The following BTBD9 variants were observed in gnomAD, a reference collection of about 807,000 sequenced individuals.
BTBD9 encodes BTB domain containing 9.
A neutral mutation model predicts 64.3 loss-of-function variants in BTBD9; 49 were observed. That is an observed-to-expected ratio of 0.76 (90% CI 0.61 to 0.97). The LOEUF (loss-of-function observed/expected upper bound fraction) is 0.97, where lower values mean the gene tolerates loss of function less well. Among genes scored for constraint, BTBD9 ranks in the 50% least tolerant of loss-of-function variants. The pLI, the probability that BTBD9 is intolerant of heterozygous loss-of-function variation, is 0.00. For missense variants in BTBD9, 598 were observed against 762.1 expected, an observed-to-expected ratio of 0.78 and a Z score of 2.53; for synonymous variants, 260 against 274.7, an observed-to-expected ratio of 0.95 and a Z score of 0.53.
intron 7 of BTBD9, among the ~76,000 whole-genome samples, chr6:38,289,946 T>C (rs1761893320): frequency 6.6e-6 from 1 of 152,180 alleles, no homozygotes; most frequent in South Asian, 2.1e-4. Context: ...GACATTTAAG[T>C]TATTTAACCA....
rs1764223717 is a variant in BTBD9, at chr6:38,344,929, T to C, written c.1264+55A>G. On this transcript the variant is annotated intron_variant, in intron 7 of 10. Transcript: ENST00000481247. Reference sequence around the variant, plus strand: ...AAGATAAGTTAAGAGAGTAACAAAGTATTTGAAGATAAAATATCCAAATAT... The same window carrying C: ...AAGATAAGTTAAGAGAGTAACAAAGCATTTGAAGATAAAATATCCAAATAT... The C allele has an allele frequency of 1.6e-5, 19 of 1,158,818 alleles. 1 individual carries two copies. The highest frequency in any genetic ancestry group is 2.3e-4 in the Middle Eastern group (1 of 4,354). The allele number at this position is 1,158,818 out of a possible 1,614,324, so 71.8% of individuals were successfully genotyped here.
chr6:38,555,809 T>C (rs981859920), intron 6 of BTBD9, among the ~76,000 whole-genome samples: 1 of 152,248 alleles, frequency 6.6e-6, no homozygotes, highest in Non-Finnish European at 1.5e-5. Flanking sequence ...GTCTGGCAGC[T>C]TTTCAACCTC....
chr6:38,442,661 C>CTTTTT (rs11313452), intron 6 of BTBD9, among the ~76,000 whole-genome samples: 47 of 57,556 alleles, frequency 8.2e-4, no homozygotes, highest in African/African-American at 1.5e-3. Flanking sequence ...CATTTGTACT[C>CTTTTT]TTTTTTTTTT....
At chr6:38,510,906 G>GC (rs1256346035) in intron 6 of BTBD9, among the ~76,000 whole-genome samples, 4 of 152,140 alleles carry the variant, frequency 2.6e-5, no homozygotes, top group Admixed American at 2.6e-4. Flanking sequence ...TGAAGGACCT[G>GC]CCTGAGGTCG....
At chr6:38,537,826 G>A (rs13219887) in intron 6 of BTBD9, among the ~76,000 whole-genome samples, 27,945 of 152,030 alleles carry the variant, frequency 0.18, 2,612 homozygotes, top group Middle Eastern at 0.24. Context: ...CCAAAGGAAC[G>A]TGAGTGGTAG....
chr6:38,613,949 T>C (rs951277060), intron 1 of BTBD9, among the ~76,000 whole-genome samples: 8 of 152,310 alleles, frequency 5.3e-5, no homozygotes, highest in African/African-American at 1.9e-4. Flanking sequence ...CAAACAGCTA[T>C]GTCAAGTCTC....
At chr6:38,246,921 A>T (rs559051497) in intron 9 of BTBD9, among the ~76,000 whole-genome samples, 5 of 152,316 alleles carry the variant, frequency 3.3e-5, no homozygotes, top group African/African-American at 1.2e-4. Context: ...ACTATGTCTC[A>T]TCATCATTAG....
chr6:38,224,920 T>C (rs2127511668), intron 9 of BTBD9, among the ~76,000 whole-genome samples: 1 of 152,380 alleles, frequency 6.6e-6, no homozygotes, highest in African/African-American at 2.4e-5. Flanking sequence ...GTTGCAGTTC[T>C]ATAATCTAAC....
intron 6 of BTBD9, among the ~76,000 whole-genome samples, chr6:38,545,777 T>TCA (rs543232172): frequency 1.6e-5 from 1 of 61,548 alleles, no homozygotes; most frequent in African/African-American, 6.7e-5. Context: ...AGACTCCGTC[T>TCA]CAAAAAAAAA....
chr6:38,179,231 A>T (rs562074461), intron 10 of BTBD9: 16 of 342,036 alleles, frequency 4.7e-5, no homozygotes, highest in South Asian at 3.2e-4. Flanking sequence ...TGACAAATTC[A>T]AATAACAAGT....
At chr6:38,498,870 C>T (rs538942888) in intron 6 of BTBD9, among the ~76,000 whole-genome samples, 3 of 152,204 alleles carry the variant, frequency 2.0e-5, no homozygotes, top group African/African-American at 7.2e-5. Context: ...ACAAATGGAG[C>T]CCTAAAGATA....
intron 6 of BTBD9, among the ~76,000 whole-genome samples, chr6:38,471,840 CA>C (rs1320349862): frequency 1.3e-5 from 2 of 152,166 alleles, no homozygotes; most frequent in Non-Finnish European, 2.9e-5. Flanking sequence ...AAAGAAGATC[CA>C]ACTTATGTTA....
intron 6 of BTBD9, among the ~76,000 whole-genome samples, chr6:38,417,845 T>A (rs886642727): frequency 6.6e-6 from 1 of 150,572 alleles, no homozygotes; most frequent in Non-Finnish European, 1.5e-5. Flanking sequence ...AATAAATAAG[T>A]ATATGAATAT....
At chr6:38,464,382 GAA>G (rs142296032) in intron 6 of BTBD9, among the ~76,000 whole-genome samples, 3 of 147,112 alleles carry the variant, frequency 2.0e-5, no homozygotes, top group Admixed American at 6.8e-5. Flanking sequence ...TTGCATTCAT[GAA>G]AAAAAAAAAC....
chr6:38,603,149 G>C (rs1444813060), intron 1 of BTBD9, among the ~76,000 whole-genome samples: 1 of 152,184 alleles, frequency 6.6e-6, no homozygotes, highest in African/African-American at 2.4e-5. Flanking sequence ...AAGGCAGGGG[G>C]ACGAAGGACT....
At chr6:38,342,061 C>T (rs1764123810) in intron 7 of BTBD9, among the ~76,000 whole-genome samples, 1 of 152,140 alleles carries the variant, frequency 6.6e-6, no homozygotes, top group African/African-American at 2.4e-5. Flanking sequence ...CTTAATTTTA[C>T]TTATGTTATT....
chr6:38,258,144 C>A (rs1267614009), intron 8 of BTBD9, among the ~76,000 whole-genome samples: 1 of 151,968 alleles, frequency 6.6e-6, no homozygotes. Flanking sequence ...TGCCACCATG[C>A]CCAGCTAATT....
At chr6:38,319,104 T>G (rs1763136260) in intron 7 of BTBD9, among the ~76,000 whole-genome samples, 1 of 152,048 alleles carries the variant, frequency 6.6e-6, no homozygotes, top group Non-Finnish European at 1.5e-5. Flanking sequence ...CCAAGGGCTC[T>G]TCAGTTAGTT....
chr6:38,263,365 A>G (rs1407415197), intron 8 of BTBD9, among the ~76,000 whole-genome samples: 2 of 152,190 alleles, frequency 1.3e-5, no homozygotes, highest in Admixed American at 6.5e-5. Flanking sequence ...ATTCTGTTAT[A>G]GCATATGCAG....
Sources: allele counts gnomAD v4.1 joint callset (sites outside exome capture counted in the v4.1 genomes callset), GRCh38; gene constraint gnomAD v4.1.1; transcripts MANE v1.5; gene names NCBI Gene and HGNC (gene_info 2026-07-23, HGNC 2026-07-21).